The following RSPO2 variants were observed in gnomAD, a reference collection of about 807,000 sequenced individuals.
The protein encoded by RSPO2 is R-spondin 2, also known as R-spondin-2.
A neutral mutation model predicts 30.9 loss-of-function variants in RSPO2; 14 were observed. The observed-to-expected ratio is 0.45, with a 90% CI of 0.30 to 0.71. The LOEUF is 0.71. Among genes scored for constraint, RSPO2 ranks in the 30% least tolerant of loss-of-function variants. The pLI is 0.08. For synonymous variants in RSPO2, 107 were observed against 96.4 expected (o/e 1.11, Z -0.64); for missense variants, 264 against 301.9 (o/e 0.87, Z 0.93).
At chr8:107,935,907 T>C (rs1586558963) in intron 5 of RSPO2, among the ~76,000 whole-genome samples, 1 of 152,278 alleles carries the variant, frequency 6.6e-6, no homozygotes, top group South Asian at 2.1e-4. Flanking sequence ...CAATTCAGGG[T>C]ATTTGGGGTA....
At chr8:107,990,342 G>A (rs753334348) in intron 2 of RSPO2, among the ~76,000 whole-genome samples, 11 of 152,046 alleles carry the variant, frequency 7.2e-5, no homozygotes, top group Non-Finnish European at 1.3e-4. Flanking sequence ...AAAATGAGAC[G>A]CAACTTCAGC....
chr8:108,075,483 A>G (rs1015822616), intron 2 of RSPO2, among the ~76,000 whole-genome samples: 10 of 151,184 alleles, frequency 6.6e-5, no homozygotes, highest in African/African-American at 2.2e-4. Flanking sequence ...TCCATCTCAA[A>G]AAAAAAAAAA....
chr8:107,926,395 CTTTAG>C (rs906142897), intron 5 of RSPO2, among the ~76,000 whole-genome samples: 11 of 152,034 alleles, frequency 7.2e-5, no homozygotes, highest in Admixed American at 1.3e-4. Context: ...TGCAGAAGCT[CTTTAG>C]TTTAATTAGA....
chr8:108,056,121 T>C lies in RSPO2; in HGVS notation c.94+26424A>G, dbSNP rs113349997. ...ATGCTTGCCTGCAGAGATTATGTAT[T>C]ATAGGGGAATTGGTTTTTTCTTGAC... is the stretch of plus-strand genomic sequence containing the variant. On this transcript the variant is annotated intron_variant, in intron 2 of 5. Coordinates refer to ENST00000276659, the MANE Select transcript of RSPO2 (RefSeq NM_178565.5). 7.2e-5 allele frequency among the ~76,000 whole-genome samples: 11 copies of C among 152,292 alleles called. 1 individual carries two copies. The highest frequency in any genetic ancestry group is 2.6e-4 in the African/African-American group (11 of 41,572).
At chr8:108,039,242 A>G (rs1489076426) in intron 2 of RSPO2, among the ~76,000 whole-genome samples, 2 of 152,338 alleles carry the variant, frequency 1.3e-5, no homozygotes, top group South Asian at 2.1e-4. Context: ...ATTAGAAATT[A>G]CAAGTTCTAA....
intron 5 of RSPO2, among the ~76,000 whole-genome samples, chr8:107,910,353 T>A (rs1200180498): frequency 6.6e-6 from 1 of 152,196 alleles, no homozygotes; most frequent in Non-Finnish European, 1.5e-5. Context: ...GAAAAGAAAG[T>A]AATGGTTTAT....
intron 3 of RSPO2, among the ~76,000 whole-genome samples, chr8:107,967,597 A>G (rs1392093149): frequency 1.3e-5 from 2 of 152,202 alleles, no homozygotes; most frequent in African/African-American, 4.8e-5. Flanking sequence ...AACTCTTTGA[A>G]TGATGACACA....
At chr8:107,963,550 A>AAAAG (rs1410329718) in intron 3 of RSPO2, among the ~76,000 whole-genome samples, 1 of 143,868 alleles carries the variant, frequency 7.0e-6, no homozygotes, top group East Asian at 2.0e-4. Context: ...AAAAAAAAAA[A>AAAAG]GGCAGGTTGC....
At chr8:108,064,341 C>G (rs536264102) in intron 2 of RSPO2, among the ~76,000 whole-genome samples, 3 of 152,024 alleles carry the variant, frequency 2.0e-5, no homozygotes, top group Non-Finnish European at 4.4e-5. Flanking sequence ...AAAAAAACAA[C>G]CCCATCCAAA....
chr8:107,917,441 C>T (rs1259677739), intron 5 of RSPO2, among the ~76,000 whole-genome samples: 2 of 152,086 alleles, frequency 1.3e-5, no homozygotes, highest in African/African-American at 4.8e-5. Context: ...GCCAAGATCA[C>T]ACCATTGCAC....
At chr8:108,035,596 G>A (rs1230515450) in intron 2 of RSPO2, among the ~76,000 whole-genome samples, 2 of 151,996 alleles carry the variant, frequency 1.3e-5, no homozygotes, top group East Asian at 1.9e-4. Context: ...TCAGCCTCCC[G>A]AGTAGCTGGG....
intron 2 of RSPO2, among the ~76,000 whole-genome samples, chr8:108,060,919 A>T (rs1418265749): frequency 6.6e-6 from 1 of 151,828 alleles, no homozygotes; most frequent in African/African-American, 2.4e-5. Flanking sequence ...CCAGAATTTC[A>T]TATCCAGCCA....
At chr8:108,006,343 G>A (rs1815451504) in intron 2 of RSPO2, among the ~76,000 whole-genome samples, 1 of 151,880 alleles carries the variant, frequency 6.6e-6, no homozygotes, top group African/African-American at 2.4e-5. Flanking sequence ...GAAGGTTAAA[G>A]TTTCCTAATA....
rs750442624 is a variant in RSPO2, at chr8:107,931,093, A to G, written c.616+26987T>C. On this transcript the variant is annotated intron_variant, in intron 5 of 5. Coordinates refer to ENST00000276659, the MANE Select transcript of RSPO2 (RefSeq NM_178565.5). Reference sequence around the variant, plus strand: ...TAGATTACTGCTATAAAAACATATGATAGGAAATTAAGCCAATTACAAGAT... The same window carrying G: ...TAGATTACTGCTATAAAAACATATGGTAGGAAATTAAGCCAATTACAAGAT... Among the ~76,000 whole-genome samples the G allele has an allele frequency of 2.0e-5, 3 of 152,182 alleles. No homozygotes were observed. The South Asian group carries it at 6.2e-4, about 31-fold the overall frequency.
intron 5 of RSPO2, among the ~76,000 whole-genome samples, chr8:107,951,909 T>C (rs1330600849): frequency 6.6e-6 from 1 of 152,122 alleles, no homozygotes; most frequent in African/African-American, 2.4e-5. Flanking sequence ...TGGAGACCCC[T>C]TTTCTGCCCC....
At chr8:108,064,889 T>C (rs947008645) in intron 2 of RSPO2, among the ~76,000 whole-genome samples, 4 of 152,070 alleles carry the variant, frequency 2.6e-5, no homozygotes, top group African/African-American at 9.7e-5. Context: ...TGGATGAAGC[T>C]GGAAACCATC....
chr8:108,067,917 A>G (rs1167417541), intron 2 of RSPO2, among the ~76,000 whole-genome samples: 1 of 152,090 alleles, frequency 6.6e-6, no homozygotes, highest in Non-Finnish European at 1.5e-5. Context: ...AAAAATACAA[A>G]AATTAGCCAG....
At chr8:107,910,177 G>A (rs182744393) in intron 5 of RSPO2, among the ~76,000 whole-genome samples, 4 of 152,226 alleles carry the variant, frequency 2.6e-5, no homozygotes, top group African/African-American at 9.6e-5. Flanking sequence ...AATTCCATTA[G>A]AACAAGAAGA....
At chr8:108,059,233 A>G (rs1812367111) in intron 2 of RSPO2, among the ~76,000 whole-genome samples, 2 of 151,780 alleles carry the variant, frequency 1.3e-5, no homozygotes, top group South Asian at 4.1e-4. Flanking sequence ...TATGCAGCCA[A>G]AAAAAAACAT....
Sources: allele counts gnomAD v4.1 joint callset (sites outside exome capture counted in the v4.1 genomes callset), GRCh38; gene constraint gnomAD v4.1.1; transcripts MANE v1.5; gene names NCBI Gene and HGNC (gene_info 2026-07-23, HGNC 2026-07-21).